Variants in TBCK observed in about 807,000 individuals in gnomAD.
The protein encoded by TBCK is TBC1 domain containing kinase.
A neutral mutation model predicts 113.4 loss-of-function variants in TBCK; 99 were observed. The ratio of observed to expected loss-of-function variants is 0.87; its 90% confidence interval spans 0.74 to 1.03. The LOEUF is 1.03. Ranked by LOEUF, TBCK falls within the 50% of genes least tolerant of loss-of-function variation. The pLI is 0.00. For synonymous variants in TBCK, 369 were observed against 370.8 expected (o/e 1.00, Z 0.05); for missense variants, 1,045 against 1,061.3 (o/e 0.98, Z 0.21).
chr4:106,226,622 A>G (rs1263159252), intron 19 of TBCK, among the ~76,000 whole-genome samples: 1 of 152,174 alleles, frequency 6.6e-6, no homozygotes, highest in Non-Finnish European at 1.5e-5. Context: ...TATTTAGCTG[A>G]TGATTATTAA....
chr4:106,124,013 A>C, intron 23 of TBCK, among the ~76,000 whole-genome samples: 1 of 151,398 alleles, frequency 6.6e-6, no homozygotes, highest in Non-Finnish European at 1.5e-5. Context: ...GATCTAATTA[A>C]ACTAAAGAGC....
rs77782722 is a variant in TBCK at position 106,175,154 on chromosome 4, A to C, written c.2060-3884T>G. Among the ~76,000 whole-genome samples the C allele has an allele frequency of 2.0e-4, 31 of 151,902 alleles. 1 individual carries two copies. The East Asian group carries it at 5.4e-3, about 27-fold the overall frequency. On this transcript the variant is annotated intron_variant, in intron 22 of 25. Coordinates refer to ENST00000394708, the MANE Select transcript of TBCK (RefSeq NM_001163435.3). ...TCTCAAAAAAAAAAAAAAGAAAAAA[A>C]AATCAATTTCCAGATTTTCAACAAT... is the stretch of plus-strand genomic sequence containing the variant.
intron 19 of TBCK, among the ~76,000 whole-genome samples, chr4:106,216,683 T>G (rs1756972030): frequency 6.6e-6 from 1 of 152,210 alleles, no homozygotes; most frequent in Admixed American, 6.5e-5. Flanking sequence ...GTTCAATCTC[T>G]GAATAGACCA....
chr4:106,110,151 T>C (rs565536327), intron 24 of TBCK, among the ~76,000 whole-genome samples: 141 of 152,324 alleles, frequency 9.3e-4, no homozygotes, highest in African/African-American at 3.3e-3. Context: ...CTGTACTAAA[T>C]AAATGCCAGC....
intron 24 of TBCK, among the ~76,000 whole-genome samples, chr4:106,114,344 A>C (rs752706332): frequency 2.0e-5 from 3 of 152,216 alleles, no homozygotes; most frequent in Non-Finnish European, 4.4e-5. Flanking sequence ...GATAGCAAAG[A>C]GATATAAAGG....
rs571370085 is a variant in TBCK, at chr4:106,082,343, A to G, written c.2571+13139T>C. Among the ~76,000 whole-genome samples the G allele has an allele frequency of 3.9e-5, 6 of 152,290 alleles. No homozygotes were observed. The East Asian group carries it at 1.2e-3, about 29-fold the overall frequency. ...AAGTGAACTAATGCAGGAACAGAAAACCAAACGCTACATGTTGTCACTTAT... is the reference window on the plus strand; with the variant it reads ...AAGTGAACTAATGCAGGAACAGAAAGCCAAACGCTACATGTTGTCACTTAT... On this transcript the variant is annotated intron_variant, in intron 25 of 25. Transcript: ENST00000394708.
intron 5 of TBCK, among the ~76,000 whole-genome samples, chr4:106,252,844 G>T (rs1761582280): frequency 6.6e-6 from 1 of 152,046 alleles, no homozygotes; most frequent in South Asian, 2.1e-4. Flanking sequence ...TGCCCTTTGG[G>T]GAGGTTGTAT....
At chr4:106,277,766 G>C (rs995669924) in intron 3 of TBCK, among the ~76,000 whole-genome samples, 7 of 152,108 alleles carry the variant, frequency 4.6e-5, no homozygotes, top group Admixed American at 3.9e-4. Context: ...TAGTCTTAAT[G>C]CATTTAGTTT....
intron 20 of TBCK, among the ~76,000 whole-genome samples, chr4:106,207,094 T>A (rs142286942): frequency 1.3e-5 from 2 of 152,268 alleles, no homozygotes; most frequent in African/African-American, 4.8e-5. Flanking sequence ...GAAACACATA[T>A]CAAGACAAAA....
At chr4:106,216,205 A>G (rs1441377023) in intron 19 of TBCK, among the ~76,000 whole-genome samples, 3 of 151,260 alleles carry the variant, frequency 2.0e-5, no homozygotes, top group East Asian at 3.9e-4. Context: ...TCTCTGGGAC[A>G]CATTCAAAGC....
intron 24 of TBCK, among the ~76,000 whole-genome samples, chr4:106,097,869 A>AAAT (rs1436876508): frequency 6.6e-6 from 1 of 152,094 alleles, no homozygotes; most frequent in East Asian, 1.9e-4. Context: ...TAGAAAGAAT[A>AAAT]AATAAATAAA....
intron 3 of TBCK, among the ~76,000 whole-genome samples, chr4:106,292,629 A>G (rs1765846220): frequency 6.6e-6 from 1 of 151,786 alleles, no homozygotes; most frequent in Non-Finnish European, 1.5e-5. Flanking sequence ...CTCTGTGAGG[A>G]GATGGACACA....
At chr4:106,131,947 C>T (rs1021478511) in intron 23 of TBCK, among the ~76,000 whole-genome samples, 1 of 152,152 alleles carries the variant, frequency 6.6e-6, no homozygotes, top group African/African-American at 2.4e-5. Context: ...CACTAGAGAT[C>T]TGTGGAACTT....
chr4:106,167,841 A>G (rs1273538027), intron 23 of TBCK, among the ~76,000 whole-genome samples: 1 of 151,836 alleles, frequency 6.6e-6, no homozygotes, highest in Non-Finnish European at 1.5e-5. Flanking sequence ...TGCATCTATT[A>G]AAGAAATTCA....
rs200052457 is a variant in TBCK at position 106,068,141 on chromosome 4, TTTTTA to T, written c.2572-21466_2572-21462del. 7.0e-3 allele frequency among the ~76,000 whole-genome samples: 1,067 copies of T among 152,258 alleles called. 3 individuals carry two copies. The highest frequency in any genetic ancestry group is 0.01 in the Middle Eastern group (3 of 294). On this transcript the variant is annotated intron_variant, in intron 25 of 25. Transcript: ENST00000394708. The stretch of plus-strand genomic sequence containing the variant: ...TCTATCTATTTAGATATTCAATTTC[TTTTTA>T]TTTTATTTTTTATTTTTTATTATAG...
intron 17 of TBCK, 50 bp from the exon 18 acceptor site, chr4:106,231,829 G>T (rs754756559): frequency 1.3e-6 from 2 of 1,499,258 alleles, no homozygotes; most frequent in East Asian, 4.5e-5. Context: ...TAATCTAGTA[G>T]AATTGAAGAT....
At chr4:106,119,610 T>C (rs945642778) in intron 23 of TBCK, among the ~76,000 whole-genome samples, 7 of 152,164 alleles carry the variant, frequency 4.6e-5, no homozygotes, top group Non-Finnish European at 7.3e-5. Context: ...TGGGAAATGA[T>C]TGTTTGGATA....
intron 23 of TBCK, among the ~76,000 whole-genome samples, chr4:106,165,899 A>G (rs1428179078): frequency 6.6e-6 from 1 of 151,748 alleles, no homozygotes; most frequent in Non-Finnish European, 1.5e-5. Context: ...TTCTATTATA[A>G]AACTCTGCTT....
intron 3 of TBCK, among the ~76,000 whole-genome samples, chr4:106,290,673 C>G (rs934912352): frequency 6.6e-6 from 1 of 152,150 alleles, no homozygotes; most frequent in Non-Finnish European, 1.5e-5. Flanking sequence ...CCAACCCCCC[C>G]ACCATGGACT....
Sources: allele counts gnomAD v4.1 joint callset (sites outside exome capture counted in the v4.1 genomes callset), GRCh38; gene constraint gnomAD v4.1.1; transcripts MANE v1.5; gene names NCBI Gene and HGNC (gene_info 2026-07-23, HGNC 2026-07-21).